Variants in NOB1 observed in about 807,000 individuals in gnomAD.
NOB1 encodes NIN1 (RPN12) binding protein 1 homolog.
Under a neutral mutation model 44.8 loss-of-function variants are expected in NOB1, and 44 were observed. The observed-to-expected ratio is 0.98, with a 90% confidence interval of 0.77 to 1.26. NOB1 has a LOEUF of 1.26. Ranked by LOEUF, NOB1 falls within the 50% of genes most tolerant of loss-of-function variation. The pLI is 0.00. For missense variants in NOB1, 560 were observed against 544.8 expected (o/e 1.03, Z -0.28); for synonymous variants, 238 against 218.7 (o/e 1.09, Z -0.78).
At chr16:69,752,847 A>C (rs2038494313) in intron 2 of NOB1, among the ~76,000 whole-genome samples, 1 of 152,082 alleles carries the variant, frequency 6.6e-6, no homozygotes, top group Non-Finnish European at 1.5e-5. Context: ...AGGCAGGAGA[A>C]TTGTTTGAAC....
At chr16:69,752,125 A>ATAAT (rs2038487649) in intron 3 of NOB1, 116 bp downstream of exon 3, 9 of 918,996 alleles carry the variant, frequency 9.8e-6, no homozygotes, top group Non-Finnish European at 1.6e-5. Context: ...TAGCTAAGAG[A>ATAAT]TAATTGGAGG....
Position 69,742,852 on chromosome 16 carries a change from G to A in NOB1, c.970-251C>T, listed in dbSNP as rs1310940451. 2.6e-5 allele frequency among the ~76,000 whole-genome samples: 4 copies of A among 152,202 alleles called. No homozygotes were observed. In the Middle Eastern group the frequency reaches 0.01, roughly 388 times the overall value. ...TTCAGCTAAAGACAATACAGAAATA[G>A]AAATACAAAACATTCCAGTGTGTAT... On this transcript the variant is annotated intron_variant, in intron 8 of 8. Coordinates refer to ENST00000268802, the MANE Select transcript of NOB1 (RefSeq NM_014062.3).
chr16:69,745,752 T>G (rs1040577260), intron 7 of NOB1, among the ~76,000 whole-genome samples: 1 of 152,178 alleles, frequency 6.6e-6, no homozygotes, highest in Admixed American at 6.5e-5. Context: ...CAATTCCCAA[T>G]GGTCAAGACA....
chr16:69,742,080 C>T lies in NOB1; in HGVS notation c.*252G>A. 2.2e-6 allele frequency: 1 copy of T among 447,872 alleles called. No homozygotes were observed. The highest frequency in any genetic ancestry group is 4.0e-6 in the Non-Finnish European group (1 of 251,142). The allele number at this position is 447,872 out of a possible 1,614,324, so 27.7% of individuals were successfully genotyped here. A position where few individuals can be genotyped will look rare whatever the true frequency, so the allele number is the denominator to read the frequency against. On this transcript the variant is annotated 3_prime_UTR_variant, in exon 9 of 9. Coordinates refer to ENST00000268802, the MANE Select transcript of NOB1 (RefSeq NM_014062.3). The stretch of plus-strand genomic sequence containing the variant: ...AAATTCCTTTCTTGAAGATTGGCTC[C>T]AGGGCGTTGTTCTTTCTGTTTTTAT...
In NOB1 at chr16:69,749,653, T is replaced by A. The variant is rs761657651; in HGVS notation, c.328-23A>T. 1.5e-5 allele frequency: 23 copies of A among 1,545,076 alleles called. No individual in the cohort carries two copies. In the East Asian group the frequency reaches 3.1e-4, roughly 21 times the overall value. On this transcript the variant is annotated intron_variant, in intron 3 of 8. Transcript: ENST00000268802. ...AACCTTTAAAAAAACAAAAAACATA[T>A]ACCTCTTGTTATCAAAATTAAAGAT... is the stretch of plus-strand genomic sequence containing the variant.
intron 7 of NOB1, among the ~76,000 whole-genome samples, chr16:69,747,222 CAAAAAAAA>C (rs35257586): frequency 8.9e-5 from 7 of 78,606 alleles, no homozygotes; most frequent in African/African-American, 2.6e-4. Context: ...ACCCTGTCTC[CAAAAAAAA>C]AAAAAAAAAA....
At position 69,754,861 on chromosome 16, in the gene NOB1, T is replaced by C; in HGVS notation, c.50A>G (p.His17Arg). 6.3e-7 allele frequency: 1 copy of C among 1,598,866 alleles called. No homozygotes were observed. The highest frequency in any genetic ancestry group is 8.5e-7 in the Non-Finnish European group (1 of 1,173,600). Residue 17 changes from histidine to arginine, a missense_variant, in exon 1 of 9, where the codon CAT (histidine) becomes CGT (arginine). Physicochemically the swap from His to Arg is conservative, Grantham distance 29. Coordinates refer to ENST00000268802, the MANE Select transcript of NOB1 (RefSeq NM_014062.3). ...VVADAGAFLR[H>R]AALQDIGKNI... ...AGCTCCCCGTACCTGCAGAGCCGCA[T>C]GCCGCAGGAAAGCCCCAGCATCCGC...
chr16:69,753,127 C>T (rs1332367496), intron 2 of NOB1, among the ~76,000 whole-genome samples: 1 of 151,908 alleles, frequency 6.6e-6, no homozygotes, highest in Non-Finnish European at 1.5e-5. Flanking sequence ...GAGGCTGAGG[C>T]AGAAGAATTG....
At chr16:69,744,608 C>A (rs992798158) in intron 8 of NOB1, among the ~76,000 whole-genome samples, 1 of 152,154 alleles carries the variant, frequency 6.6e-6, no homozygotes, top group African/African-American at 2.4e-5. Flanking sequence ...TCCTTCAACT[C>A]CTGCACAAAT....
At chr16:69,745,838 A>G (rs1290112631) in intron 7 of NOB1, among the ~76,000 whole-genome samples, 1 of 152,242 alleles carries the variant, frequency 6.6e-6, no homozygotes, top group African/African-American at 2.4e-5. Context: ...AGCACCTCAT[A>G]ACAAGTGTTG....
chr16:69,754,129 T>C (rs2038504794), intron 2 of NOB1, among the ~76,000 whole-genome samples: 1 of 152,238 alleles, frequency 6.6e-6, no homozygotes, highest in African/African-American at 2.4e-5. Flanking sequence ...TTTAATACAA[T>C]GCAAAGCATT....
Position 69,742,404 on chromosome 16 carries a change from G to C in NOB1, c.1167C>G (p.Asp389Glu). 6.2e-7 allele frequency: 1 copy of C among 1,614,262 alleles called. No individual in the cohort carries two copies. The highest frequency in any genetic ancestry group is 8.5e-7 in the Non-Finnish European group (1 of 1,180,034). ...SSRSATLQVR[D>E]STLGAGRRRL... ...GTCTCCGCCCAGCTCCCAAGGTGCTGTCCCGGACCTGCAGGGTAGCTGAGC... is the reference window on the plus strand; with the variant it reads ...GTCTCCGCCCAGCTCCCAAGGTGCTCTCCCGGACCTGCAGGGTAGCTGAGC... Residue 389 changes from aspartate (D) to glutamate (E), a missense_variant, in exon 9 of 9, where the codon GAC becomes GAG. By Grantham distance (45) the Asp-to-Glu change is conservative. Transcript: ENST00000268802.
chr16:69,743,846 A>T (rs561556144), intron 8 of NOB1, among the ~76,000 whole-genome samples: 1 of 152,262 alleles, frequency 6.6e-6, no homozygotes, highest in African/African-American at 2.4e-5. Context: ...CTGGTATCGC[A>T]GCGATGCTGA....
intron 8 of NOB1, among the ~76,000 whole-genome samples, chr16:69,744,207 G>A (rs552702277): frequency 6.6e-6 from 1 of 152,282 alleles, no homozygotes; most frequent in African/African-American, 2.4e-5. Flanking sequence ...TGTAGTCCCA[G>A]CTACTTGGGA....
chr16:69,742,509 C>CT lies in NOB1; in HGVS notation c.1061dup (p.Ala355GlyfsTer11). 1 of 1,614,176 alleles carries CT rather than the reference C, an allele frequency of 6.2e-7. No individual in the cohort carries two copies. Among genetic ancestry groups the CT allele is most frequent in the Non-Finnish European group, 8.5e-7 (1 of 1,180,030 alleles). On this transcript the variant is annotated frameshift_variant, in exon 9 of 9. Transcript: ENST00000268802. LOFTEE classifies it high-confidence loss of function. ...CGAACACGTTGGTTTTCTGCCTGGC[C>CT]TTTTGGGAGAGTCGCAGCTGAGGGA...
rs768064932 is a variant in NOB1, at chr16:69,754,702, T to C, written c.88A>G (p.Ile30Val). 1 of 1,614,194 alleles carries C rather than the reference T, an allele frequency of 6.2e-7. No homozygotes were observed. The highest frequency in any genetic ancestry group is 1.7e-5 in the Admixed American group (1 of 60,030). ...LQDIGKNIYTIREVVTEIRDK... is the reference protein window; with the variant it reads ...LQDIGKNIYTVREVVTEIRDK... The stretch of plus-strand genomic sequence containing the variant: ...CGAATCTCAGTGACCACCTCCCGGA[T>C]GGTGTAAATGTTCTTCCCGATGTCC... Residue 30 changes from isoleucine to valine, a missense_variant, in exon 2 of 9, where the codon ATC becomes GTC. Coordinates refer to ENST00000268802, the MANE Select transcript of NOB1 (RefSeq NM_014062.3).
intron 8 of NOB1, among the ~76,000 whole-genome samples, chr16:69,744,204 C>G (rs759989509): frequency 1.3e-5 from 2 of 152,112 alleles, no homozygotes; most frequent in Non-Finnish European, 2.9e-5. Context: ...GCCTGTAGTC[C>G]CAGCTACTTG....
At position 69,742,365 on chromosome 16, in the gene NOB1, G is replaced by A. The variant is rs112838873; in HGVS notation, c.1206C>T (p.Asn402=). 98 of 1,613,446 alleles carry A rather than the reference G, an allele frequency of 6.1e-5. 1 individual carries two copies. The highest frequency in any genetic ancestry group is 4.0e-4 in the East Asian group (18 of 44,874). Reference sequence around the variant, plus strand: ...TCTTCACAAACTTCTTTCTGGAAGCGTTGGGATTTAAGCGTCTCCGCCCAG... The same window carrying A: ...TCTTCACAAACTTCTTTCTGGAAGCATTGGGATTTAAGCGTCTCCGCCCAG... The part of the protein sequence containing the change: ...LGAGRRRLNP[N]ASRKKFVKKR The change falls in exon 9 of 9, where the codon AAC becomes AAT. Residue 402 remains asparagine (N), a synonymous_variant. Coordinates refer to ENST00000268802, the MANE Select transcript of NOB1 (RefSeq NM_014062.3).
chr16:69,745,115 G>A lies in NOB1; in HGVS notation c.825-98C>T, dbSNP rs1337724764. On this transcript the variant is annotated intron_variant, in intron 7 of 8. Coordinates refer to ENST00000268802, the MANE Select transcript of NOB1 (RefSeq NM_014062.3). ...GTCTCGGGCCTCAGGAGAAGAAACA[G>A]GGAAGGGCTGAACCGCACCACACAT... 6 of 1,307,284 alleles carry A rather than the reference G, an allele frequency of 4.6e-6. No individual in the cohort carries two copies. In the African/African-American group the frequency reaches 8.7e-5, roughly 19 times the overall value. 81.0% of individuals were successfully genotyped at this position (1,307,284 alleles called of 1,614,324 possible). A position where few individuals can be genotyped will look rare whatever the true frequency, so the allele number is the denominator to read the frequency against.
Sources: allele counts gnomAD v4.1 joint callset (sites outside exome capture counted in the v4.1 genomes callset), GRCh38; gene constraint gnomAD v4.1.1; transcripts MANE v1.5; gene names NCBI Gene and HGNC (gene_info 2026-07-23, HGNC 2026-07-21).